TEX9: variants seen among roughly 807,000 people sequenced by gnomAD.
TEX9 encodes the protein testis-expressed protein 9.
A neutral mutation model predicts 59.6 loss-of-function variants in TEX9; 74 were observed. The observed-to-expected ratio is 1.24, with a 90% CI of 1.03 to 1.51. TEX9 has a LOEUF of 1.51. Ranked by LOEUF, TEX9 falls within the 40% of genes most tolerant of loss-of-function variation. TEX9 has a pLI of 0.00. For missense variants in TEX9, 522 were observed against 447.8 expected (o/e 1.17, Z -1.49); for synonymous variants, 186 against 152.2 (o/e 1.22, Z -1.64).
At chr15:56,300,861 T>G (rs928446843) in intron 1 of TEX9, among the ~76,000 whole-genome samples, 1 of 152,196 alleles carries the variant, frequency 6.6e-6, no homozygotes, top group Non-Finnish European at 1.5e-5. Context: ...CTTTGAATAC[T>G]TGGAAAGCTT....
chr15:56,379,707 G>T (rs937117651), intron 3 of TEX9, among the ~76,000 whole-genome samples: 4 of 152,132 alleles, frequency 2.6e-5, no homozygotes, highest in African/African-American at 9.7e-5. Context: ...TTTGCTTTAT[G>T]TATCTGGGTG....
intron 1 of TEX9, among the ~76,000 whole-genome samples, chr15:56,247,947 A>G (rs2043902423): frequency 6.6e-6 from 1 of 152,230 alleles, no homozygotes; most frequent in Non-Finnish European, 1.5e-5. Flanking sequence ...AATGACCTAC[A>G]TGTTATTTAA....
intron 1 of TEX9, among the ~76,000 whole-genome samples, chr15:56,325,728 A>T (rs995097532): frequency 5.9e-5 from 9 of 152,208 alleles, no homozygotes; most frequent in South Asian, 2.1e-4. Flanking sequence ...GTTCACATAT[A>T]ATATTTGAAA....
intron 1 of TEX9, among the ~76,000 whole-genome samples, chr15:56,290,917 C>T (rs530433056): frequency 6.6e-6 from 1 of 151,558 alleles, no homozygotes; most frequent in Non-Finnish European, 1.5e-5. Context: ...CCTTTATCTT[C>T]TACTCTGCCA....
intron 1 of TEX9, among the ~76,000 whole-genome samples, chr15:56,262,523 A>G (rs1193491717): frequency 2.0e-5 from 3 of 152,244 alleles, no homozygotes; most frequent in South Asian, 2.1e-4. Context: ...TGCATAGCAT[A>G]TAGCCTATTT....
chr15:56,446,623 A>AG (rs562244219), downstream of TEX9, among the ~76,000 whole-genome samples: 15 of 152,196 alleles, frequency 9.9e-5, 1 homozygote, highest in South Asian at 3.1e-3. Context: ...TACTGAATAT[A>AG]GCTGGTCATT....
chr15:56,434,528 A>C (rs1481003573), intron 12 of TEX9: 1 of 974,262 alleles, frequency 1.0e-6, no homozygotes, highest in Non-Finnish European at 1.5e-6. Flanking sequence ...AAGGCTTTTC[A>C]TGATAACTTT....
upstream of TEX9, among the ~76,000 whole-genome samples, chr15:56,360,748 A>G (rs2046774178): frequency 6.6e-6 from 1 of 152,226 alleles, no homozygotes; most frequent in Non-Finnish European, 1.5e-5. Context: ...ATATGAAGCC[A>G]TACCTCTTCT....
chr15:56,269,951 C>T (rs1444951935), intron 1 of TEX9, among the ~76,000 whole-genome samples: 8 of 152,080 alleles, frequency 5.3e-5, no homozygotes, highest in African/African-American at 1.2e-4. Flanking sequence ...CCACCGCGCC[C>T]GGCCCTGAGT....
intron 1 of TEX9, among the ~76,000 whole-genome samples, chr15:56,347,594 C>T (rs1248397871): frequency 6.6e-6 from 1 of 151,986 alleles, no homozygotes; most frequent in African/African-American, 2.4e-5. Flanking sequence ...ACCTAAGTTC[C>T]ATACCTTTTA....
chr15:56,334,158 A>G (rs2046213694), intron 1 of TEX9, among the ~76,000 whole-genome samples: 1 of 152,190 alleles, frequency 6.6e-6, no homozygotes, highest in Admixed American at 6.6e-5. Context: ...AACAAAAAAA[A>G]TCCTAAAATT....
intron 1 of TEX9, among the ~76,000 whole-genome samples, chr15:56,281,771 T>A (rs1279239937): frequency 1.3e-5 from 2 of 152,254 alleles, no homozygotes; most frequent in African/African-American, 4.8e-5. Context: ...TATAGGTGAC[T>A]GCTTTCAGTC....
chr15:56,386,665 T>C (rs1275782172), intron 4 of TEX9, among the ~76,000 whole-genome samples: 1 of 152,032 alleles, frequency 6.6e-6, no homozygotes, highest in East Asian at 1.9e-4. Flanking sequence ...TGATATTCTA[T>C]GAAAAATAGA....
intron 1 of TEX9, among the ~76,000 whole-genome samples, chr15:56,308,654 C>T (rs2045536559): frequency 6.6e-6 from 1 of 152,028 alleles, no homozygotes. Context: ...GTTTTTACTC[C>T]TGTTTTCTTC....
chr15:56,352,318 C>T (rs1445195896), intron 1 of TEX9, among the ~76,000 whole-genome samples: 1 of 152,104 alleles, frequency 6.6e-6, no homozygotes, highest in Non-Finnish European at 1.5e-5. Context: ...GATCTTAACT[C>T]GCTGCAATCC....
intron 1 of TEX9, among the ~76,000 whole-genome samples, chr15:56,340,157 G>A (rs1461861147): frequency 6.6e-6 from 1 of 152,114 alleles, no homozygotes. Context: ...AGGATGGTAA[G>A]GGAAATTTAA....
At chr15:56,394,313 C>A (rs2048353179) in intron 8 of TEX9, 66 bp downstream of exon 8, 1 of 1,336,330 alleles carries the variant, frequency 7.5e-7, no homozygotes, top group Non-Finnish European at 1.0e-6. Context: ...ATTTCAATTA[C>A]ATTTTTTGAA....
intron 4 of TEX9, among the ~76,000 whole-genome samples, chr15:56,385,077 A>G (rs1204355487): frequency 6.6e-6 from 1 of 152,150 alleles, no homozygotes; most frequent in African/African-American, 2.4e-5. Context: ...ATGGATAGCC[A>G]TTTGTCTCAG....
At chr15:56,275,093 G>T (rs2044637965) in intron 1 of TEX9, among the ~76,000 whole-genome samples, 1 of 152,130 alleles carries the variant, frequency 6.6e-6, no homozygotes. Flanking sequence ...ATGTCCCTAT[G>T]TCTAAGGGTG....
Sources: gnomAD v4.1 joint callset for allele counts (sites outside exome capture counted in the v4.1 genomes callset) on GRCh38, gnomAD v4.1.1 for gene constraint, MANE v1.5 for transcripts, NCBI Gene and HGNC (gene_info 2026-07-23, HGNC 2026-07-21) for gene names.